The following PAK1 variants were observed in gnomAD, a reference collection of about 807,000 sequenced individuals.
PAK1 encodes p21 (RAC1) activated kinase 1.
In PAK1, 29 loss-of-function variants were observed where a neutral mutation model predicts 67.4. That is an observed-to-expected ratio of 0.43 (90% CI 0.32 to 0.59). The LOEUF (loss-of-function observed/expected upper bound fraction) is 0.59. Ranked by LOEUF, PAK1 falls within the 20% of genes least tolerant of loss-of-function variation. The probability of loss-of-function intolerance (pLI) is 0.07; values close to 1 mark genes in which losing one functional copy is unlikely to be tolerated. For synonymous variants in PAK1, 223 were observed against 237.4 expected, an observed-to-expected ratio of 0.94 and a Z score of 0.56; for missense variants, 337 against 670.7, an observed-to-expected ratio of 0.50 and a Z score of 5.50.
chr11:77,376,389 T>C lies in PAK1; in HGVS notation c.440-2024A>G, dbSNP rs187513635. On this transcript the variant is annotated intron_variant, in intron 4 of 14. Transcript: ENST00000356341. ...GTGGCAAAATAGGGCTAAGACCCAG[T>C]TGAGTTGTCAATCTAGTCTACTTTT... 1.8e-3 allele frequency among the ~76,000 whole-genome samples: 271 copies of C among 152,262 alleles called. 1 individual carries two copies. Among genetic ancestry groups the C allele is most frequent in the African/African-American group, 5.9e-3 (245 of 41,548 alleles).
intron 2 of PAK1, among the ~76,000 whole-genome samples, chr11:77,389,304 C>T (rs1950840174): frequency 6.6e-6 from 1 of 152,114 alleles, no homozygotes; most frequent in Non-Finnish European, 1.5e-5. Context: ...ATGGATATTC[C>T]ACATTTTATT....
chr11:77,454,694 G>T (rs2135426585), intron 1 of PAK1, among the ~76,000 whole-genome samples: 1 of 152,268 alleles, frequency 6.6e-6, no homozygotes, highest in East Asian at 1.9e-4. Flanking sequence ...TGCATTTTTA[G>T]CAAGTTCCCA....
the PAK1 span, among the ~76,000 whole-genome samples, chr11:77,507,681 T>G: frequency 6.6e-6 from 1 of 151,896 alleles, no homozygotes; most frequent in African/African-American, 2.4e-5. Context: ...ACCACCAAAC[T>G]ATTTTTAATT....
intron 5 of PAK1, among the ~76,000 whole-genome samples, chr11:77,366,447 C>T (rs1317835619): frequency 6.6e-6 from 1 of 152,130 alleles, no homozygotes; most frequent in African/African-American, 2.4e-5. Flanking sequence ...CAGATTCATA[C>T]ACATTCATGT....
chr11:77,509,628 C>T, the PAK1 span, among the ~76,000 whole-genome samples: 2 of 152,152 alleles, frequency 1.3e-5, no homozygotes, highest in Non-Finnish European at 2.9e-5. Context: ...GAGGTAGGGC[C>T]TGGTGGGAGG....
intron 1 of PAK1, chr11:77,408,350 A>G (rs1398228795): frequency 6.6e-6 from 1 of 152,176 alleles, no homozygotes; most frequent in Non-Finnish European, 1.5e-5. Flanking sequence ...ATATATACAT[A>G]CACACACATA....
intron 1 of PAK1, among the ~76,000 whole-genome samples, chr11:77,429,574 C>A (rs1388462185): frequency 2.6e-5 from 4 of 152,136 alleles, no homozygotes; most frequent in African/African-American, 9.7e-5. Flanking sequence ...ATATTTACTA[C>A]CAAAGAAGCA....
chr11:77,347,024 C>G, intron 9 of PAK1: 1 of 456,204 alleles, frequency 2.2e-6, no homozygotes, highest in Non-Finnish European at 4.4e-6. Flanking sequence ...CCCCAATAAG[C>G]AAGAACTCAC....
intron 9 of PAK1, among the ~76,000 whole-genome samples, chr11:77,345,082 C>T (rs934294116): frequency 6.6e-6 from 1 of 152,172 alleles, no homozygotes; most frequent in Non-Finnish European, 1.5e-5. Context: ...ACCCAATATG[C>T]CTTTTCCCTT....
chr11:77,496,271 C>A, the PAK1 span, among the ~76,000 whole-genome samples: 1 of 152,094 alleles, frequency 6.6e-6, no homozygotes, highest in Non-Finnish European at 1.5e-5. Flanking sequence ...CCCGCCTCAG[C>A]CTCCCAAAGT....
chr11:77,457,718 T>A (rs986315406), intron 1 of PAK1, among the ~76,000 whole-genome samples: 2 of 151,976 alleles, frequency 1.3e-5, no homozygotes, highest in Non-Finnish European at 2.9e-5. Flanking sequence ...TCCATCTCAA[T>A]CTCCAGGAAG....
chr11:77,514,749 A>G, the PAK1 span, among the ~76,000 whole-genome samples: 2 of 152,160 alleles, frequency 1.3e-5, no homozygotes, highest in African/African-American at 4.8e-5. Context: ...AGCTCCTAAC[A>G]TGAGATCAGC....
Position 77,465,768 on chromosome 11 carries a change from G to A in PAK1, c.-22+7784C>T, listed in dbSNP as rs552524591. ...CACTTGAGTCCAGCCTGGGCAACAC[G>A]GCAAAACCCTGTCTCTACAAAAAAT... On this transcript the variant is annotated intron_variant, in intron 1 of 14. Transcript: ENST00000356341. Among the ~76,000 whole-genome samples, 34 of 152,024 alleles carry A rather than the reference G, an allele frequency of 2.2e-4. No individual in the cohort carries two copies. The South Asian group carries it at 3.7e-3, about 17-fold the overall frequency.
At chr11:77,430,797 G>A (rs763846256) in intron 1 of PAK1, among the ~76,000 whole-genome samples, 3 of 152,168 alleles carry the variant, frequency 2.0e-5, no homozygotes, top group Non-Finnish European at 4.4e-5. Context: ...TATCAGAAGT[G>A]CCAGAAACAC....
intron 1 of PAK1, among the ~76,000 whole-genome samples, chr11:77,417,530 T>C (rs1317474479): frequency 6.6e-6 from 1 of 152,206 alleles, no homozygotes; most frequent in Non-Finnish European, 1.5e-5. Context: ...TGTAAAACTA[T>C]ACTGTATGAT....
intron 14 of PAK1, chr11:77,325,466 T>C: frequency 7.5e-7 from 1 of 1,325,814 alleles, no homozygotes; most frequent in South Asian, 1.4e-5. Context: ...ATAAAGTGTT[T>C]AGTGCCTAAA....
intron 7 of PAK1, among the ~76,000 whole-genome samples, chr11:77,354,840 G>A: frequency 6.6e-6 from 1 of 152,178 alleles, no homozygotes; most frequent in East Asian, 1.9e-4. Context: ...ATAAATTAAA[G>A]CCCTTGTCAA....
At chr11:77,529,611 A>G in the PAK1 span, among the ~76,000 whole-genome samples, 1 of 152,240 alleles carries the variant, frequency 6.6e-6, no homozygotes. Context: ...GGGGTTCACA[A>G]TCACCTACAT....
chr11:77,462,628 C>CT (rs1957402789), intron 1 of PAK1, among the ~76,000 whole-genome samples: 2 of 151,892 alleles, frequency 1.3e-5, no homozygotes, highest in Non-Finnish European at 2.9e-5. Flanking sequence ...GGTCAGGTGT[C>CT]TGAGACCAGC....
Sources: allele counts gnomAD v4.1 joint callset (sites outside exome capture counted in the v4.1 genomes callset), GRCh38; gene constraint gnomAD v4.1.1; transcripts MANE v1.5; gene names NCBI Gene and HGNC (gene_info 2026-07-23, HGNC 2026-07-21).